Variants in SLC38A1 observed in about 807,000 individuals in gnomAD.
SLC38A1 encodes sodium-coupled neutral amino acid symporter 1.
In SLC38A1, 18 loss-of-function variants were observed where a neutral mutation model predicts 60.3. That is an observed-to-expected ratio of 0.30 (90% CI 0.21 to 0.44). The LOEUF is 0.44. Ranked by LOEUF, SLC38A1 falls within the 20% of genes least tolerant of loss-of-function variation. The probability of loss-of-function intolerance (pLI) is 1.00; values close to 1 mark genes in which losing one functional copy is unlikely to be tolerated. For synonymous variants in SLC38A1, 196 were observed against 212.1 expected, an observed-to-expected ratio of 0.92 and a Z score of 0.66; for missense variants, 448 against 587.2, an observed-to-expected ratio of 0.76 and a Z score of 2.45.
chr12:46,229,277 A>C lies in SLC38A1; in HGVS notation c.199-9T>G, dbSNP rs377253070. 1 of 1,572,220 alleles carries C rather than the reference A, an allele frequency of 6.4e-7. No individual in the cohort carries two copies. Among genetic ancestry groups the C allele is most frequent in the Non-Finnish European group, 8.7e-7 (1 of 1,143,380 alleles). ...GAGGTTGTACCTGGAATCTGAACAA[A>C]GAAACAAACATTGACACTAAGCAAA... On this transcript the variant is annotated splice_polypyrimidine_tract_variant and intron_variant, in intron 4 of 16. Transcript: ENST00000398637.
intron 16 of SLC38A1, among the ~76,000 whole-genome samples, chr12:46,196,444 G>A (rs1416491229): frequency 3.9e-5 from 6 of 152,172 alleles, no homozygotes; most frequent in Admixed American, 3.3e-4. Context: ...GAGAGGCTCA[G>A]AATTCATGGG....
intron 9 of SLC38A1, among the ~76,000 whole-genome samples, chr12:46,205,079 A>C (rs1456857275): frequency 6.6e-6 from 1 of 152,162 alleles, no homozygotes; most frequent in Non-Finnish European, 1.5e-5. Flanking sequence ...GCGAATTTCT[A>C]GTGGTAAATT....
Position 46,201,132 on chromosome 12 carries a change from G to T in SLC38A1, c.969C>A (p.Phe323Leu). The change falls in exon 13 of 17, where the codon TTC becomes TTA. Residue 323 changes from phenylalanine (F) to leucine (L), a missense_variant. Transcript: ENST00000398637. The part of the protein sequence containing the change: ...ISFFAMFVMY[F>L]LTAIFGYLTF... Reference sequence around the variant, plus strand: ...TCAAGTAGCCAAAAATGGCAGTCAAGAAGTACATAACAAACATGGCGAAAA... The same window carrying T: ...TCAAGTAGCCAAAAATGGCAGTCAATAAGTACATAACAAACATGGCGAAAA... 6.2e-7 allele frequency: 1 copy of T among 1,613,378 alleles called. No homozygotes were observed. The highest frequency in any genetic ancestry group is 8.5e-7 in the Non-Finnish European group (1 of 1,179,658).
chr12:46,189,305 C>T (rs979188525), intron 16 of SLC38A1, among the ~76,000 whole-genome samples: 2 of 151,710 alleles, frequency 1.3e-5, no homozygotes, highest in Admixed American at 6.6e-5. Flanking sequence ...TCCTCTATGT[C>T]CCATTCTTTG....
Position 46,183,235 on chromosome 12 carries a change from T to C in SLC38A1, c.*5735A>G, listed in dbSNP as rs1938826800. 1.3e-5 allele frequency: 2 copies of C among 152,252 alleles called. No individual in the cohort carries two copies. Among genetic ancestry groups the C allele is most frequent in the South Asian group, 4.1e-4 (2 of 4,826 alleles). The allele number at this position is 152,252 out of a possible 1,614,324, so 9.4% of individuals were successfully genotyped here. A position where few individuals can be genotyped will look rare whatever the true frequency, so the allele number is the denominator to read the frequency against. The stretch of plus-strand genomic sequence containing the variant: ...ACTTGTGACTCACTTAAATCACCCA[T>C]CTGAAATTCATTTACAAGGTTTTTA... On this transcript the variant is annotated 3_prime_UTR_variant, in exon 17 of 17. Coordinates refer to ENST00000398637, the MANE Select transcript of SLC38A1 (RefSeq NM_030674.4).
chr12:46,206,151 A>G lies in SLC38A1; in HGVS notation c.575T>C (p.Val192Ala). 1 of 1,608,182 alleles carries G rather than the reference A, an allele frequency of 6.2e-7. No homozygotes were observed. Among genetic ancestry groups the G allele is most frequent in the Non-Finnish European group, 8.5e-7 (1 of 1,176,112 alleles). ...GKEETFSAWY[V>A]DGRVLVVIVT... The stretch of plus-strand genomic sequence containing the variant: ...TATCACCACCAGAACGCGGCCATCC[A>G]CGTACCAGGCTCTGAAAGGCATTTA... The change falls in exon 9 of 17, where the codon GTG becomes GCG. Residue 192 changes from valine (V) to alanine (A), a missense_variant. By Grantham distance (64) the Val-to-Ala change is moderately conservative (BLOSUM62 0). Coordinates refer to ENST00000398637, the MANE Select transcript of SLC38A1 (RefSeq NM_030674.4).
At chr12:46,189,583 C>G (rs918141161) in intron 16 of SLC38A1, among the ~76,000 whole-genome samples, 3 of 152,148 alleles carry the variant, frequency 2.0e-5, no homozygotes, top group African/African-American at 7.2e-5. Flanking sequence ...ACCTGAAGGG[C>G]TGATGAAGGC....
At chr12:46,208,938 T>C (rs757577141) in intron 6 of SLC38A1, 116 bp downstream of exon 6, 3 of 739,288 alleles carry the variant, frequency 4.1e-6, no homozygotes, top group Non-Finnish European at 6.9e-6. Context: ...TAGGTCAAAA[T>C]AGTCTTTCTT....
intron 5 of SLC38A1, among the ~76,000 whole-genome samples, chr12:46,213,413 T>C (rs1392294481): frequency 2.0e-5 from 3 of 152,220 alleles, no homozygotes; most frequent in South Asian, 4.1e-4. Context: ...CTTCTTAAAT[T>C]GTTGATCCTT....
chr12:46,189,056 C>G lies in SLC38A1; in HGVS notation c.1378G>C (p.Gly460Arg), dbSNP rs771617209. 8.7e-6 allele frequency: 14 copies of G among 1,613,398 alleles called. No individual in the cohort carries two copies. In the Admixed American group the frequency reaches 2.2e-4, roughly 25 times the overall value. ...TQRIWAALFL[G>R]LGVLFSLVSI... ...ACCAAGGAGAACAACACCCCCAGGC[C>G]CAAGAAAAGGGCAGCCTGGAGCAAG... The change falls in exon 17 of 17, where the codon GGC becomes CGC. Residue 460 changes from glycine (G) to arginine (R), a missense_variant. Transcript: ENST00000398637.
At chr12:46,224,169 ACAGCT>A (rs1940774319) in intron 5 of SLC38A1, among the ~76,000 whole-genome samples, 1 of 152,116 alleles carries the variant, frequency 6.6e-6, no homozygotes, top group East Asian at 1.9e-4. Context: ...TCCCAGGAAA[ACAGCT>A]CAACAAGTAC....
rs564199168 is a variant in SLC38A1, at chr12:46,259,846, G to T, written c.-209+8680C>A. On this transcript the variant is annotated intron_variant, in intron 1 of 16. Transcript: ENST00000398637. Reference sequence around the variant, plus strand: ...AGCTCTTTATCTGGAACATAACTCTGTCTAGAACCTTGAACTATCATCACA... The same window carrying T: ...AGCTCTTTATCTGGAACATAACTCTTTCTAGAACCTTGAACTATCATCACA... Among the ~76,000 whole-genome samples, 9 of 152,146 alleles carry T rather than the reference G, an allele frequency of 5.9e-5. 1 individual carries two copies. In the South Asian group the frequency reaches 1.9e-3, roughly 32 times the overall value.
intron 5 of SLC38A1, among the ~76,000 whole-genome samples, chr12:46,221,957 G>A (rs1056137869): frequency 3.9e-5 from 6 of 152,160 alleles, no homozygotes; most frequent in Admixed American, 2.0e-4. Context: ...ACAGGGTACG[G>A]GTGGGCTCTG....
In SLC38A1 at chr12:46,207,548, G is replaced by A; in HGVS notation, c.462C>T (p.Thr154=). 1.9e-6 allele frequency: 3 copies of A among 1,613,862 alleles called. No homozygotes were observed. Among genetic ancestry groups the A allele is most frequent in the Non-Finnish European group, 2.5e-6 (3 of 1,179,752 alleles). ...TTGKFVIFGA[T]SLQNTGAMLS... ...TTTTACCTCCAGTGTTCTGTAGAGA[G>A]GTGGCTCCAAAGATTACGAACTTCC... The change falls in exon 7 of 17, where the codon ACC becomes ACT. Residue 154 remains threonine (T), a synonymous_variant. Coordinates refer to ENST00000398637, the MANE Select transcript of SLC38A1 (RefSeq NM_030674.4).
Position 46,204,303 on chromosome 12 carries a change from T to C in SLC38A1, c.820A>G (p.Lys274Glu), listed in dbSNP as rs758374148. The C allele has an allele frequency of 1.3e-6, 2 of 1,590,524 alleles. No individual in the cohort carries two copies. Among genetic ancestry groups the C allele is most frequent in the Non-Finnish European group, 1.7e-6 (2 of 1,158,780 alleles). ...CTPKYVTFNS[K>E]TVYALPTIAF... ...CTGCAAAGGATCAGGAAACTTACCT[T>C]TGAATTGAAGGTAACATATTTTGGC... The change falls in exon 11 of 17, where the codon AAG (lysine) becomes GAG (glutamate). Residue 274 changes from lysine (K) to glutamate (E), a missense_variant and splice_region_variant. By Grantham distance (56) the Lys-to-Glu change is moderately conservative (BLOSUM62 1). This residue lies in a region of SLC38A1 where 346 missense variants were observed against 497.5 expected (regional missense o/e 0.70). Transcript: ENST00000398637.
At position 46,190,985 on chromosome 12, in the gene SLC38A1, T is replaced by C. The variant is rs138362165; in HGVS notation, c.1363-1914A>G. Among the ~76,000 whole-genome samples the C allele has an allele frequency of 9.7e-3, 1,474 of 152,322 alleles. 32 individuals are homozygous for C. The highest frequency in any genetic ancestry group is 0.034 in the African/African-American group (1,413 of 41,562). ...GCTTTTGTTGCCATTGCTTTTTGTG[T>C]TTTAATCATGAAGTCTTTGCCCATA... On this transcript the variant is annotated intron_variant, in intron 16 of 16. Coordinates refer to ENST00000398637, the MANE Select transcript of SLC38A1 (RefSeq NM_030674.4).
At chr12:46,200,003 A>G (rs1939581779) in intron 13 of SLC38A1, among the ~76,000 whole-genome samples, 1 of 152,230 alleles carries the variant, frequency 6.6e-6, no homozygotes, top group Admixed American at 6.5e-5. Flanking sequence ...CAAGAGTAAT[A>G]AAAGTGTTTG....
At chr12:46,256,050 C>T (rs1314871158) in intron 1 of SLC38A1, among the ~76,000 whole-genome samples, 1 of 151,388 alleles carries the variant, frequency 6.6e-6, no homozygotes, top group African/African-American at 2.4e-5. Context: ...GCCTGTAGTC[C>T]AGCTACTTGG....
chr12:46,195,998 T>G, intron 16 of SLC38A1: 1 of 707,914 alleles, frequency 1.4e-6, no homozygotes, highest in South Asian at 1.7e-5. Flanking sequence ...ACCAGGTACC[T>G]CAGTTGGAAA....
Sources: allele counts gnomAD v4.1 joint callset (sites outside exome capture counted in the v4.1 genomes callset), GRCh38; gene constraint gnomAD v4.1.1; regional missense constraint gnomAD v4.1.1; transcripts MANE v1.5; gene names NCBI Gene and HGNC (gene_info 2026-07-23, HGNC 2026-07-21).